Variants in TUBGCP5 observed in about 807,000 individuals in gnomAD.
The protein encoded by TUBGCP5 is tubulin gamma complex component 5.
TUBGCP5 carries 98 observed loss-of-function variants against 134.7 expected under a neutral mutation model. That is an observed-to-expected ratio of 0.73 (90% CI 0.62 to 0.86). The LOEUF (loss-of-function observed/expected upper bound fraction) is 0.86, where lower values mean the gene tolerates loss of function less well. Among genes scored for constraint, TUBGCP5 ranks in the 40% least tolerant of loss-of-function variants. The pLI is 0.00. For missense variants in TUBGCP5, 1,150 were observed against 1,244.8 expected (o/e 0.92, Z 1.15); for synonymous variants, 456 against 431.4 (o/e 1.06, Z -0.71).
Position 23,024,075 on chromosome 15 carries a change from C to T in TUBGCP5, c.1040G>A (p.Gly347Glu). ...TTCAGTTGACTTCTTAGGAACAGACCCACTTCCAGGCAGCATGCTCTCAGA... is the reference window on the plus strand; with the variant it reads ...TTCAGTTGACTTCTTAGGAACAGACTCACTTCCAGGCAGCATGCTCTCAGA... ...HSSESMLPGS[G>E]SVPKKSTEAP... The change falls in exon 10 of 23, where the codon GGG (glycine) becomes GAG (glutamate). Residue 347 changes from glycine (G) to glutamate (E), a missense_variant. This residue lies in a region of TUBGCP5 where 697 missense variants were observed against 850.1 expected (regional missense o/e 0.82). Transcript: ENST00000615383. The T allele has an allele frequency of 1.2e-6, 2 of 1,614,064 alleles. No individual in the cohort carries two copies. The highest frequency in any genetic ancestry group is 1.7e-5 in the Admixed American group (1 of 60,012).
At chr15:23,026,434 T>C (rs929579331) in intron 7 of TUBGCP5, among the ~76,000 whole-genome samples, 3 of 152,212 alleles carry the variant, frequency 2.0e-5, no homozygotes, top group African/African-American at 4.8e-5. Flanking sequence ...GGCAAATGTT[T>C]ACAACTATGT....
At chr15:22,986,952 T>C (rs187860505) in intron 23 of TUBGCP5, among the ~76,000 whole-genome samples, 2 of 152,158 alleles carry the variant, frequency 1.3e-5, no homozygotes, top group African/African-American at 2.4e-5. Flanking sequence ...GAGATACATA[T>C]TAGGAGATTT....
intron 13 of TUBGCP5, among the ~76,000 whole-genome samples, chr15:23,016,752 C>T (rs888419533): frequency 3.3e-5 from 5 of 151,672 alleles, no homozygotes; most frequent in African/African-American, 4.8e-5. Flanking sequence ...CTAGTACAGA[C>T]ACCATGGAGA....
At chr15:22,992,618 A>G (rs1302442821) in intron 23 of TUBGCP5, among the ~76,000 whole-genome samples, 1 of 152,118 alleles carries the variant, frequency 6.6e-6, no homozygotes, top group Non-Finnish European at 1.5e-5. Context: ...TGGCTCTGGG[A>G]CCAGGGTTTG....
At chr15:23,008,217 C>T (rs1302975891) in intron 16 of TUBGCP5, among the ~76,000 whole-genome samples, 2 of 152,152 alleles carry the variant, frequency 1.3e-5, no homozygotes, top group East Asian at 3.9e-4. Flanking sequence ...GGTGGCATCT[C>T]AACGTCTTTT....
intron 15 of TUBGCP5, 119 bp from the exon 16 acceptor site, chr15:23,009,000 T>C (rs1198159819): frequency 6.7e-6 from 5 of 751,498 alleles, no homozygotes; most frequent in Non-Finnish European, 1.0e-5. Flanking sequence ...CTACATTTAC[T>C]AAAATTAGAA....
downstream of TUBGCP5, chr15:22,983,113 G>A (rs985536659): frequency 4.6e-5 from 7 of 152,200 alleles, no homozygotes; most frequent in Admixed American, 2.6e-4. Flanking sequence ...AGTAATTAAC[G>A]TATTATACCT....
intron 6 of TUBGCP5, among the ~76,000 whole-genome samples, chr15:23,028,277 G>A (rs2066095440): frequency 6.6e-6 from 1 of 151,150 alleles, no homozygotes; most frequent in Non-Finnish European, 1.5e-5. Context: ...CTTCTTAGGA[G>A]GCTGAGGTGG....
Position 23,036,913 on chromosome 15 carries a change from C to T in TUBGCP5, c.293G>A (p.Ser98Asn). Reference protein sequence around the residue: ...TEEFLNAPLPSIKEIKTDAHY... With the variant: ...TEEFLNAPLPNIKEIKTDAHY... ...AAGGCATACCTTTATTTCCTTTATA[C>T]TGGGAAGTGGTGCATTTAGAAATTC... The change falls in exon 3 of 23, where the codon AGT (serine) becomes AAT (asparagine). Residue 98 changes from serine (S) to asparagine (N), a missense_variant. Physicochemically the swap from Ser to Asn is conservative, Grantham distance 46. This residue lies in a region of TUBGCP5 where 453 missense variants were observed against 394.7 expected (regional missense o/e 1.15). Coordinates refer to ENST00000615383, the MANE Select transcript of TUBGCP5 (RefSeq NM_052903.6). The T allele has an allele frequency of 6.2e-7, 1 of 1,608,172 alleles. No individual in the cohort carries two copies. The highest frequency in any genetic ancestry group is 8.5e-7 in the Non-Finnish European group (1 of 1,175,180).
intron 6 of TUBGCP5, among the ~76,000 whole-genome samples, 184 bp from the exon 7 acceptor site, chr15:23,027,490 A>T (rs935451204): frequency 6.6e-6 from 1 of 152,114 alleles, no homozygotes; most frequent in Non-Finnish European, 1.5e-5. Flanking sequence ...TATGGCTCAC[A>T]CATATAATCC....
intron 22 of TUBGCP5, 126 bp from the exon 23 acceptor site, chr15:22,999,992 C>CCT (rs2064277334): frequency 2.4e-6 from 2 of 828,862 alleles, no homozygotes; most frequent in Non-Finnish European, 3.8e-6. Context: ...CTCACTGCAA[C>CCT]CTCTGCCTCC....
chr15:22,989,009 C>G (rs1435563018), intron 23 of TUBGCP5, among the ~76,000 whole-genome samples: 1 of 152,104 alleles, frequency 6.6e-6, no homozygotes, highest in Non-Finnish European at 1.5e-5. Flanking sequence ...AAGCCCTCAG[C>G]TGGCTCTGCC....
At chr15:23,011,040 G>T in intron 14 of TUBGCP5, 93 bp downstream of exon 14, 2 of 1,288,882 alleles carry the variant, frequency 1.6e-6, no homozygotes, top group Non-Finnish European at 2.2e-6. Context: ...AAGAGTTTTT[G>T]TTTTTAGCCC....
chr15:23,017,418 G>A (rs1431822773), intron 13 of TUBGCP5, among the ~76,000 whole-genome samples: 1 of 152,002 alleles, frequency 6.6e-6, no homozygotes, highest in Non-Finnish European at 1.5e-5. Context: ...ACATCACTAT[G>A]TACCCCATGA....
intron 13 of TUBGCP5, among the ~76,000 whole-genome samples, chr15:23,016,986 A>ATATATATATGTG (rs373904143): frequency 1.4e-5 from 2 of 138,286 alleles, no homozygotes; most frequent in Non-Finnish European, 3.2e-5. Flanking sequence ...ATATATATAT[A>ATATATATATGTG]TGTATATATC....
intron 1 of TUBGCP5, among the ~76,000 whole-genome samples, 183 bp downstream of exon 1, chr15:23,039,215 C>A (rs1456951984): frequency 6.6e-6 from 1 of 151,886 alleles, no homozygotes; most frequent in Admixed American, 6.6e-5. Flanking sequence ...GTGCGCAGGG[C>A]ACCGCGCCGA....
In TUBGCP5 at chr15:23,017,928, C is replaced by T; in HGVS notation, c.1601G>A (p.Ser534Asn). ...EEKMSDNASA[S>N]SGSDQGPSSR... is the part of the protein sequence containing the mutation. ...GGAGGGCCCCTGGTCACTGCCGGAACTCGCACTAGCGTTATCACTCATTTT... is the reference window on the plus strand; with the variant it reads ...GGAGGGCCCCTGGTCACTGCCGGAATTCGCACTAGCGTTATCACTCATTTT... The change falls in exon 13 of 23, where the codon AGT (serine) becomes AAT (asparagine). Residue 534 changes from serine to asparagine, a missense_variant. Ser to Asn is a conservative substitution (Grantham distance 46, BLOSUM62 1). Transcript: ENST00000615383. 1 of 1,614,224 alleles carries T rather than the reference C, an allele frequency of 6.2e-7. No individual in the cohort carries two copies. The highest frequency in any genetic ancestry group is 8.5e-7 in the Non-Finnish European group (1 of 1,180,036).
chr15:22,986,383 T>C (rs895610829), intron 23 of TUBGCP5, among the ~76,000 whole-genome samples: 6 of 152,088 alleles, frequency 3.9e-5, no homozygotes, highest in Admixed American at 3.3e-4. Context: ...ATGTACATAT[T>C]GTGGGATTTC....
chr15:23,009,127 CA>C (rs896500656), intron 15 of TUBGCP5, among the ~76,000 whole-genome samples: 31 of 150,862 alleles, frequency 2.1e-4, no homozygotes, highest in African/African-American at 4.6e-4. Context: ...AAAAATGTAA[CA>C]AAAAAAAATC....
Sources: allele counts gnomAD v4.1 joint callset (sites outside exome capture counted in the v4.1 genomes callset), GRCh38; gene constraint gnomAD v4.1.1; regional missense constraint gnomAD v4.1.1; transcripts MANE v1.5; gene names NCBI Gene and HGNC (gene_info 2026-07-23, HGNC 2026-07-21).